TSPAN12: variants seen among roughly 807,000 people sequenced by gnomAD.
TSPAN12 encodes the protein tetraspanin-12.
In TSPAN12, 19 loss-of-function variants were observed where a neutral mutation model predicts 39.2. The ratio of observed to expected loss-of-function variants is 0.49; its 90% CI spans 0.34 to 0.71. The LOEUF (loss-of-function observed/expected upper bound fraction) is 0.71, where lower values mean the gene tolerates loss of function less well. Ranked by LOEUF, TSPAN12 falls within the 30% of genes least tolerant of loss-of-function variation. TSPAN12 has a pLI of 0.01. For missense variants in TSPAN12, 314 were observed against 359.9 expected (o/e 0.87, Z 1.03); for synonymous variants, 119 against 124.8 (o/e 0.95, Z 0.31).
Position 120,806,600 on chromosome 7 carries a change from T to C in TSPAN12, c.561A>G (p.Pro187=), listed in dbSNP as rs771895828. Residue 187 remains proline, a synonymous_variant, in exon 7 of 8, where the codon CCA becomes CCG. Coordinates refer to ENST00000222747, the MANE Select transcript of TSPAN12 (RefSeq NM_012338.4). The part of the protein sequence containing the change: ...PPDSCCVREF[P]GCSKQAHQED... The stretch of plus-strand genomic sequence containing the variant: ...CCTGGTGGGCCTGTTTGGAACATCC[T>C]GGGAATTCTCTAACACAGCAGGAAT... The C allele has an allele frequency of 6.2e-7, 1 of 1,613,586 alleles. No individual in the cohort carries two copies.
At chr7:120,821,128 T>C (rs1794180146) in intron 4 of TSPAN12, among the ~76,000 whole-genome samples, 1 of 152,128 alleles carries the variant, frequency 6.6e-6, no homozygotes, top group Non-Finnish European at 1.5e-5. Flanking sequence ...TTACTTGCTT[T>C]GAAAAATTGT....
At position 120,858,070 on chromosome 7, in the gene TSPAN12, G is replaced by A. The variant is rs1455686802; in HGVS notation, c.-321C>T. ...TGCTAAGCCACCTCCCAGCGCCGCTGTCCCTCCCAAGTCCTCTCCGAGTCC... is the reference window on the plus strand; with the variant it reads ...TGCTAAGCCACCTCCCAGCGCCGCTATCCCTCCCAAGTCCTCTCCGAGTCC... On this transcript the variant is annotated 5_prime_UTR_variant, in exon 1 of 8. Transcript: ENST00000222747. 6.6e-6 allele frequency: 1 copy of A among 151,946 alleles called. No individual in the cohort carries two copies. Among genetic ancestry groups the A allele is most frequent in the African/African-American group, 2.4e-5 (1 of 41,328 alleles). The allele number at this position is 151,946 out of a possible 1,614,324, so 9.4% of individuals were successfully genotyped here.
At chr7:120,812,751 T>A (rs1178693635) in intron 5 of TSPAN12, among the ~76,000 whole-genome samples, 1 of 152,168 alleles carries the variant, frequency 6.6e-6, no homozygotes, top group African/African-American at 2.4e-5. Context: ...CACCATAAAT[T>A]AATATTATCT....
In TSPAN12 at chr7:120,815,740, G is replaced by T. The variant is rs1204296228; in HGVS notation, c.349C>A (p.Gln117Lys). Residue 117 changes from glutamine to lysine, a missense_variant, in exon 5 of 8, where the codon CAG becomes AAG. By Grantham distance (53) the Gln-to-Lys change is moderately conservative. Transcript: ENST00000222747. ...TATTTTGAACTCACCATAAGTTCCT[G>T]TTCATATGTCCAAACGCCACAAGCC... ...ELACGVWTYEQELMVPVQWSD... is the reference protein window; with the variant it reads ...ELACGVWTYEKELMVPVQWSD... 1 of 1,612,626 alleles carries T rather than the reference G, an allele frequency of 6.2e-7. No homozygotes were observed.
intron 4 of TSPAN12, among the ~76,000 whole-genome samples, chr7:120,832,850 T>A (rs897499949): frequency 1.3e-5 from 2 of 152,146 alleles, no homozygotes; most frequent in African/African-American, 2.4e-5. Context: ...TTAAAGTTCA[T>A]TTTATAATAA....
chr7:120,856,634 T>A, intron 2 of TSPAN12, 64 bp downstream of exon 2: 1 of 1,526,406 alleles, frequency 6.6e-7, no homozygotes, highest in Non-Finnish European at 9.1e-7. Flanking sequence ...TGGCGCATTA[T>A]CCGGTGGCTG....
At chr7:120,818,623 A>G (rs919234060) in intron 4 of TSPAN12, among the ~76,000 whole-genome samples, 4 of 152,140 alleles carry the variant, frequency 2.6e-5, no homozygotes, top group Non-Finnish European at 4.4e-5. Context: ...TGCTTCCTTC[A>G]TATTTCTTTC....
chr7:120,817,993 C>T (rs553762288), intron 4 of TSPAN12, among the ~76,000 whole-genome samples: 6 of 152,134 alleles, frequency 3.9e-5, no homozygotes, highest in Non-Finnish European at 1.5e-5. Flanking sequence ...CTGGGAGCTA[C>T]CTTGGACTGG....
At chr7:120,842,228 C>T (rs368628030) in intron 2 of TSPAN12, among the ~76,000 whole-genome samples, 16 of 147,592 alleles carry the variant, frequency 1.1e-4, no homozygotes, top group African/African-American at 3.8e-4. Flanking sequence ...TAGAGCTCTA[C>T]AGCTTTGAAC....
At position 120,806,663 on chromosome 7, in the gene TSPAN12, A is replaced by G. The variant is rs1793880796; in HGVS notation, c.498T>C (p.Thr166=). The change falls in exon 7 of 8, where the codon ACT becomes ACC. Residue 166 remains threonine (T), a synonymous_variant. Transcript: ENST00000222747. ...EFKCCGVVYF[T]DWLEMTEMDW... ...CCATCTCTGTCATTTCCAACCAGTC[A>G]GTGAAATATACTACTCCACAGCACT... 1 of 1,613,542 alleles carries G rather than the reference A, an allele frequency of 6.2e-7. No homozygotes were observed. The highest frequency in any genetic ancestry group is 8.5e-7 in the Non-Finnish European group (1 of 1,179,586).
chr7:120,854,846 T>C (rs975701087), intron 2 of TSPAN12, among the ~76,000 whole-genome samples: 7 of 152,104 alleles, frequency 4.6e-5, no homozygotes, highest in Non-Finnish European at 7.4e-5. Context: ...GTAGGTGATA[T>C]TGGGAGAAGA....
At chr7:120,796,070 A>G (rs973630396) in intron 7 of TSPAN12, among the ~76,000 whole-genome samples, 3 of 17,774 alleles carry the variant, frequency 1.7e-4, no homozygotes, top group Non-Finnish European at 3.6e-4. Context: ...ATTTTTACCA[A>G]AAAAAATGTA....
At position 120,814,416 on chromosome 7, in the gene TSPAN12, C is replaced by T. The variant is rs564126471; in HGVS notation, c.360+1313G>A. Among the ~76,000 whole-genome samples, 28 of 152,232 alleles carry T rather than the reference C, an allele frequency of 1.8e-4. 1 individual carries two copies. The highest frequency in any genetic ancestry group is 3.4e-3 in the Middle Eastern group (1 of 294). On this transcript the variant is annotated intron_variant, in intron 5 of 7. Coordinates refer to ENST00000222747, the MANE Select transcript of TSPAN12 (RefSeq NM_012338.4). ...GCACATCTGGGCTGGAGCCCAATAACGCATATTTTTAAGAATCATCCTGGG... is the reference window on the plus strand; with the variant it reads ...GCACATCTGGGCTGGAGCCCAATAATGCATATTTTTAAGAATCATCCTGGG...
chr7:120,843,653 C>A (rs1009559085), intron 2 of TSPAN12, among the ~76,000 whole-genome samples: 2 of 152,140 alleles, frequency 1.3e-5, no homozygotes, highest in African/African-American at 4.8e-5. Context: ...CCCTCTTGGC[C>A]CCCCATAATG....
intron 6 of TSPAN12, among the ~76,000 whole-genome samples, chr7:120,809,181 A>T (rs1793930674): frequency 1.3e-5 from 2 of 152,106 alleles, no homozygotes; most frequent in South Asian, 2.1e-4. Context: ...ATCTAAAAAT[A>T]AGTGTGCTAT....
chr7:120,806,696 C>CA lies in TSPAN12; in HGVS notation c.469-5dup, dbSNP rs34396874. On this transcript the variant is annotated splice_polypyrimidine_tract_variant and splice_region_variant and intron_variant, in intron 6 of 7. Coordinates refer to ENST00000222747, the MANE Select transcript of TSPAN12 (RefSeq NM_012338.4). ...ATACTACTCCACAGCACTTAAACTG[C>CA]AAAAAAAATCACTAGTCAGCCTCAG... 40,177 of 1,612,198 alleles carry CA rather than the reference C, an allele frequency of 0.025. 574 individuals are homozygous for CA. The highest frequency in any genetic ancestry group is 0.03 in the Non-Finnish European group (35,290 of 1,178,998).
chr7:120,792,901 CAATG>C (rs1351318306), intron 7 of TSPAN12, among the ~76,000 whole-genome samples: 3 of 152,134 alleles, frequency 2.0e-5, no homozygotes, highest in African/African-American at 7.2e-5. Flanking sequence ...AATAAAAAAA[CAATG>C]AATGAAATTG....
chr7:120,822,757 C>T (rs552830671), intron 4 of TSPAN12, among the ~76,000 whole-genome samples: 46 of 152,190 alleles, frequency 3.0e-4, no homozygotes, highest in Non-Finnish European at 5.9e-4. Flanking sequence ...GGTGACTACC[C>T]TACCTTCACC....
At chr7:120,814,335 A>T (rs764493172) in intron 5 of TSPAN12, 62 of 451,462 alleles carry the variant, frequency 1.4e-4, no homozygotes, top group Non-Finnish European at 2.5e-4. Flanking sequence ...CTTGTCACAG[A>T]TGCAAATGCC....
Sources: allele counts gnomAD v4.1 joint callset (sites outside exome capture counted in the v4.1 genomes callset), GRCh38; gene constraint gnomAD v4.1.1; transcripts MANE v1.5; gene names NCBI Gene and HGNC (gene_info 2026-07-23, HGNC 2026-07-21).